RORA: variants seen among roughly 807,000 people sequenced by gnomAD.
RORA encodes RAR related orphan receptor A.
Under a neutral mutation model 69.5 loss-of-function variants are expected in RORA, and 7 were observed. That is an observed-to-expected ratio of 0.10 (90% confidence interval 0.06 to 0.19). The LOEUF is 0.19. Among genes scored for constraint, RORA ranks in the 10% least tolerant of loss-of-function variants. The pLI, the probability that RORA is intolerant of heterozygous loss-of-function variation, is 1.00. For synonymous variants in RORA, 261 were observed against 240.8 expected (o/e 1.08, Z -0.78); for missense variants, 457 against 663.0 (o/e 0.69, Z 3.41).
intron 2 of RORA, among the ~76,000 whole-genome samples, chr15:60,670,880 G>C (rs1567149438): frequency 6.6e-6 from 1 of 152,002 alleles, no homozygotes; most frequent in Admixed American, 6.5e-5. Flanking sequence ...TGAATGTAGA[G>C]TGATCACTCT....
At chr15:61,121,905 G>T (rs907312689) in intron 1 of RORA, among the ~76,000 whole-genome samples, 2 of 150,874 alleles carry the variant, frequency 1.3e-5, no homozygotes, top group African/African-American at 4.9e-5. Context: ...ACATACTGCA[G>T]GTTATGAAAA....
intron 1 of RORA, among the ~76,000 whole-genome samples, chr15:61,007,096 C>T (rs1894933339): frequency 6.6e-6 from 1 of 152,044 alleles, no homozygotes; most frequent in African/African-American, 2.4e-5. Context: ...TCACCTATGG[C>T]AAATCTATTA....
intron 6 of RORA, among the ~76,000 whole-genome samples, chr15:60,504,928 G>A (rs2065450446): frequency 6.6e-6 from 1 of 152,202 alleles, no homozygotes; most frequent in East Asian, 1.9e-4. Flanking sequence ...CTCCAGACAT[G>A]CCAGTGGATG....
At chr15:60,694,422 C>T (rs1489447779) in intron 1 of RORA, among the ~76,000 whole-genome samples, 2 of 152,218 alleles carry the variant, frequency 1.3e-5, no homozygotes, top group Non-Finnish European at 2.9e-5. Context: ...CCATGCCTTG[C>T]AGCGTTAACT....
intron 1 of RORA, among the ~76,000 whole-genome samples, chr15:61,175,738 G>A (rs1030427234): frequency 6.6e-6 from 1 of 151,990 alleles, no homozygotes; most frequent in Non-Finnish European, 1.5e-5. Context: ...AAAGGAAGAT[G>A]TTGAAACTGA....
At chr15:61,179,164 G>A (rs1375611441) in intron 1 of RORA, among the ~76,000 whole-genome samples, 4 of 152,210 alleles carry the variant, frequency 2.6e-5, no homozygotes, top group Admixed American at 2.6e-4. Context: ...ATAGAGGGAA[G>A]CAGCATGATT....
chr15:60,859,425 A>G (rs1184161260), intron 1 of RORA, among the ~76,000 whole-genome samples: 1 of 151,074 alleles, frequency 6.6e-6, no homozygotes, highest in Non-Finnish European at 1.5e-5. Context: ...TGAGAAGTAC[A>G]GAGATCTCGA....
intron 1 of RORA, among the ~76,000 whole-genome samples, chr15:60,706,696 T>C (rs2071067432): frequency 6.6e-6 from 1 of 152,202 alleles, no homozygotes; most frequent in Non-Finnish European, 1.5e-5. Flanking sequence ...CAGAAGCCCA[T>C]ACCACTGTCT....
At chr15:61,105,383 TAATA>T (rs1255905679) in intron 1 of RORA, among the ~76,000 whole-genome samples, 3 of 152,256 alleles carry the variant, frequency 2.0e-5, no homozygotes, top group Non-Finnish European at 2.9e-5. Flanking sequence ...TTAGATTAAT[TAATA>T]ATTTTATCAT....
In RORA at chr15:60,765,952, C is replaced by T. The variant is rs1052066515; in HGVS notation, c.167-87266G>A. ...AATCAAAGAGAAGAAGGCAAGAAAC[C>T]GGGGACCAATTTTCAGCTCATCCTT... On this transcript the variant is annotated intron_variant, in intron 1 of 10. Coordinates refer to ENST00000335670, the MANE Select transcript of RORA (RefSeq NM_134261.3). Among the ~76,000 whole-genome samples, 14 of 151,924 alleles carry T rather than the reference C, an allele frequency of 9.2e-5. 1 individual carries two copies. The highest frequency in any genetic ancestry group is 2.6e-4 in the Admixed American group (4 of 15,228).
At chr15:60,847,025 A>C (rs990348020) in intron 1 of RORA, among the ~76,000 whole-genome samples, 4 of 152,228 alleles carry the variant, frequency 2.6e-5, no homozygotes, top group Non-Finnish European at 5.9e-5. Context: ...GGTCACAGCA[A>C]GAGCTCAAGA....
intron 1 of RORA, among the ~76,000 whole-genome samples, chr15:60,776,631 T>C (rs1271197686): frequency 6.6e-6 from 1 of 152,182 alleles, no homozygotes; most frequent in Non-Finnish European, 1.5e-5. Flanking sequence ...AGCTTGCAAT[T>C]GAGCCGTGGC....
intron 1 of RORA, among the ~76,000 whole-genome samples, chr15:60,710,885 C>T (rs2071133670): frequency 6.6e-6 from 1 of 152,156 alleles, no homozygotes; most frequent in African/African-American, 2.4e-5. Context: ...CCAGAGCACA[C>T]AAACAATCAG....
chr15:60,645,420 ATTTTTTT>A (rs11382212), intron 2 of RORA, among the ~76,000 whole-genome samples: 34 of 135,436 alleles, frequency 2.5e-4, no homozygotes, highest in African/African-American at 9.0e-4. Flanking sequence ...TGACAGATAA[ATTTTTTT>A]TTTTTTTTTT....
chr15:61,116,235 G>A (rs1191963785), intron 1 of RORA, among the ~76,000 whole-genome samples: 1 of 152,118 alleles, frequency 6.6e-6, no homozygotes, highest in Non-Finnish European at 1.5e-5. Flanking sequence ...GTGAATATAG[G>A]AATGCAAATT....
chr15:61,198,145 C>G (rs1324386770), intron 1 of RORA, among the ~76,000 whole-genome samples: 1 of 152,100 alleles, frequency 6.6e-6, no homozygotes, highest in Non-Finnish European at 1.5e-5. Flanking sequence ...AGATAAATAA[C>G]ATTTTAGTGC....
chr15:61,197,780 G>C (rs2079858731), intron 1 of RORA, among the ~76,000 whole-genome samples: 1 of 152,184 alleles, frequency 6.6e-6, no homozygotes, highest in Non-Finnish European at 1.5e-5. Context: ...GTGAAGTCAA[G>C]CACAACGAGG....
intron 2 of RORA, among the ~76,000 whole-genome samples, chr15:60,652,394 C>T (rs567869343): frequency 2.0e-5 from 3 of 152,192 alleles, no homozygotes; most frequent in Non-Finnish European, 2.9e-5. Context: ...CAGATTGGCT[C>T]GAAAATAGAA....
At chr15:60,561,165 G>A (rs1017197411) in intron 2 of RORA, among the ~76,000 whole-genome samples, 2 of 149,370 alleles carry the variant, frequency 1.3e-5, no homozygotes, top group Admixed American at 6.7e-5. Flanking sequence ...CACTGCAAGC[G>A]CCGCCTCCCG....
Sources: gnomAD v4.1 joint callset for allele counts (sites outside exome capture counted in the v4.1 genomes callset) on GRCh38, gnomAD v4.1.1 for gene constraint, MANE v1.5 for transcripts, NCBI Gene and HGNC (gene_info 2026-07-23, HGNC 2026-07-21) for gene names.